The following STRN variants were observed in gnomAD, a reference collection of about 807,000 sequenced individuals.
STRN encodes protein phosphatase 2 regulatory subunit B'''alpha.
A neutral mutation model predicts 96.3 loss-of-function variants in STRN; 53 were observed. The observed-to-expected ratio is 0.55, with a 90% CI of 0.44 to 0.69. The LOEUF is 0.69. Among genes scored for constraint, STRN ranks in the 30% least tolerant of loss-of-function variants. The pLI, the probability that STRN is intolerant of heterozygous loss-of-function variation, is 0.00. For missense variants in STRN, 987 were observed against 963.9 expected, an observed-to-expected ratio of 1.02 and a Z score of -0.32; for synonymous variants, 428 against 355.9, an observed-to-expected ratio of 1.20 and a Z score of -2.28.
intron 10 of STRN, among the ~76,000 whole-genome samples, chr2:36,870,598 T>G (rs1668738614): frequency 6.6e-6 from 1 of 152,186 alleles, no homozygotes; most frequent in Non-Finnish European, 1.5e-5. Context: ...TACTCACATG[T>G]TTGTGGTGAT....
At chr2:36,886,682 T>TTTA (rs1426645995) in intron 8 of STRN, 34 bp downstream of exon 8, 2 of 1,541,574 alleles carry the variant, frequency 1.3e-6, no homozygotes, top group East Asian at 4.6e-5. Context: ...AGAGGCAAGA[T>TTTA]TTATGATTTA....
At position 36,851,105 on chromosome 2, in the gene STRN, C is replaced by T. The variant is rs779488841; in HGVS notation, c.1981G>A (p.Ala661Thr). 3 of 1,609,974 alleles carry T rather than the reference C, an allele frequency of 1.9e-6. No homozygotes were observed. The highest frequency in any genetic ancestry group is 2.5e-6 in the Non-Finnish European group (3 of 1,178,294). The part of the protein sequence containing the change: ...LTLESNVDTT[A>T]NSSCQINRVI... ...CTATTTATTTGGCAGGAAGAGTTGGCTGCTAAAAAGAAAAAATTAAAAAGC... is the reference window on the plus strand; with the variant it reads ...CTATTTATTTGGCAGGAAGAGTTGGTTGCTAAAAAGAAAAAATTAAAAAGC... The change falls in exon 16 of 18, where the codon GCC becomes ACC. Residue 661 changes from alanine to threonine, a missense_variant and splice_region_variant. Coordinates refer to ENST00000263918, the MANE Select transcript of STRN (RefSeq NM_003162.4).
intron 10 of STRN, among the ~76,000 whole-genome samples, chr2:36,874,308 G>C (rs1572638380): frequency 6.6e-6 from 1 of 151,492 alleles, no homozygotes; most frequent in East Asian, 1.9e-4. Flanking sequence ...CAATAGACAG[G>C]CTTAACTACT....
chr2:36,900,719 T>TC (rs1669659557), intron 5 of STRN, among the ~76,000 whole-genome samples: 1 of 151,830 alleles, frequency 6.6e-6, no homozygotes, highest in Non-Finnish European at 1.5e-5. Flanking sequence ...ATGGTGAAAC[T>TC]CCATCTCTAC....
chr2:36,867,623 A>G (rs767224759), intron 12 of STRN, 191 bp downstream of exon 12: 5 of 383,804 alleles, frequency 1.3e-5, no homozygotes, highest in Non-Finnish European at 2.3e-5. Flanking sequence ...AATAAAATCT[A>G]ATTTAAGCAC....
chr2:36,856,163 T>C (rs555869418), intron 14 of STRN, among the ~76,000 whole-genome samples: 51 of 152,302 alleles, frequency 3.3e-4, no homozygotes, highest in South Asian at 6.2e-4. Flanking sequence ...AGACTGACAA[T>C]ACTGTATGTT....
chr2:36,937,182 A>G (rs1420337778), intron 1 of STRN, among the ~76,000 whole-genome samples: 1 of 151,926 alleles, frequency 6.6e-6, no homozygotes, highest in Non-Finnish European at 1.5e-5. Context: ...TGTCTCTACT[A>G]AAAAATACAA....
At chr2:36,887,412 A>G (rs1572649280) in intron 7 of STRN, among the ~76,000 whole-genome samples, 1 of 151,840 alleles carries the variant, frequency 6.6e-6, no homozygotes, top group African/African-American at 2.4e-5. Flanking sequence ...GGAGGTTGCA[A>G]TGAGCCGAGA....
At position 36,856,542 on chromosome 2, in the gene STRN, T is replaced by C. The variant is rs987636975; in HGVS notation, c.1838-1190A>G. Among the ~76,000 whole-genome samples, 8 of 152,194 alleles carry C rather than the reference T, an allele frequency of 5.3e-5. 1 individual carries two copies. Among genetic ancestry groups the C allele is most frequent in the Non-Finnish European group, 1.2e-4 (8 of 68,042 alleles). ...AAAGCAAGATACAAAGAACACATAC[T>C]TTACTATTCCATTTACATGACGTTT... On this transcript the variant is annotated intron_variant, in intron 14 of 17. Coordinates refer to ENST00000263918, the MANE Select transcript of STRN (RefSeq NM_003162.4).
At position 36,838,536 on chromosome 2, in the gene STRN, T is replaced by C. The variant is rs555053576; in HGVS notation, c.*10920A>G. On this transcript the variant is annotated 3_prime_UTR_variant, in exon 18 of 18. Transcript: ENST00000263918. ...AAATCACTACATCCACCAGGATTTT[T>C]TTCTTTTTTCTACGTATTTTTTAAT... Among the ~76,000 whole-genome samples the C allele has an allele frequency of 1.3e-5, 2 of 152,342 alleles. No individual in the cohort carries two copies. Among genetic ancestry groups the C allele is most frequent in the Non-Finnish European group, 2.9e-5 (2 of 68,020 alleles).
chr2:36,874,729 A>AAAAC (rs1558632113), intron 10 of STRN, among the ~76,000 whole-genome samples: 2 of 149,172 alleles, frequency 1.3e-5, no homozygotes, highest in East Asian at 2.0e-4. Flanking sequence ...AAAAAAAAAA[A>AAAAC]AAAAAAAAAA....
At chr2:36,923,103 C>T (rs1252884584) in intron 2 of STRN, among the ~76,000 whole-genome samples, 1 of 150,262 alleles carries the variant, frequency 6.7e-6, no homozygotes, top group Non-Finnish European at 1.5e-5. Flanking sequence ...GATCGTACCA[C>T]TGCACTCCAG....
intron 7 of STRN, among the ~76,000 whole-genome samples, chr2:36,889,120 A>AT (rs1669320005): frequency 6.6e-6 from 1 of 152,310 alleles, no homozygotes; most frequent in South Asian, 2.1e-4. Flanking sequence ...TCTTAGTTGA[A>AT]TGTAAGCACC....
At chr2:36,959,990 A>G (rs889248978) in intron 1 of STRN, among the ~76,000 whole-genome samples, 17 of 152,208 alleles carry the variant, frequency 1.1e-4, no homozygotes, top group African/African-American at 3.9e-4. Context: ...ATACGTTTTA[A>G]AAGATTAAAG....
Position 36,859,049 on chromosome 2 carries a change from T to C in STRN, c.1670-1026A>G, listed in dbSNP as rs1668416486. Among the ~76,000 whole-genome samples the C allele has an allele frequency of 2.6e-5, 4 of 152,172 alleles. No homozygotes were observed. The South Asian group carries it at 8.3e-4, about 32-fold the overall frequency. Reference sequence around the variant, plus strand: ...AAACAGCATGATATGCAAGTAAATGTATAAGCAATTCAGTATTACTGGAGT... The same window carrying C: ...AAACAGCATGATATGCAAGTAAATGCATAAGCAATTCAGTATTACTGGAGT... On this transcript the variant is annotated intron_variant, in intron 13 of 17. Coordinates refer to ENST00000263918, the MANE Select transcript of STRN (RefSeq NM_003162.4).
chr2:36,874,988 A>G (rs1307284351), intron 10 of STRN, among the ~76,000 whole-genome samples: 6 of 152,250 alleles, frequency 3.9e-5, no homozygotes, highest in African/African-American at 1.4e-4. Flanking sequence ...CTAACTGAGT[A>G]TAGAGTGTAC....
intron 15 of STRN, 133 bp from the exon 16 acceptor site, chr2:36,851,240 G>T (rs549260336): frequency 1.6e-6 from 1 of 608,904 alleles, no homozygotes; most frequent in East Asian, 3.4e-5. Flanking sequence ...ATCCAAGCAC[G>T]TTGGGAGGCC....
intron 11 of STRN, 45 bp from the exon 12 acceptor site, chr2:36,867,906 C>A: frequency 1.4e-6 from 2 of 1,440,658 alleles, no homozygotes; most frequent in Non-Finnish European, 1.9e-6. Flanking sequence ...TGTCAGTAAA[C>A]AGTATAATTA....
At chr2:36,958,989 G>C (rs368411339) in intron 1 of STRN, among the ~76,000 whole-genome samples, 6 of 152,066 alleles carry the variant, frequency 3.9e-5, no homozygotes, top group African/African-American at 1.2e-4. Flanking sequence ...GGTGGCGGGC[G>C]TCTGTAGTCC....
Sources: gnomAD v4.1 joint callset for allele counts (sites outside exome capture counted in the v4.1 genomes callset) on GRCh38, gnomAD v4.1.1 for gene constraint, MANE v1.5 for transcripts, NCBI Gene and HGNC (gene_info 2026-07-23, HGNC 2026-07-21) for gene names.